The following RTEL1 variants were observed in gnomAD, a reference collection of about 807,000 sequenced individuals.
RTEL1 encodes the protein regulator of telomere elongation helicase 1.
A neutral mutation model predicts 162.2 loss-of-function variants in RTEL1; 86 were observed. The observed-to-expected ratio is 0.53, with a 90% CI of 0.45 to 0.63. The LOEUF (loss-of-function observed/expected upper bound fraction) is 0.63. RTEL1 is among the 30% of genes least tolerant of loss of function. RTEL1 has a pLI of 0.00. For synonymous variants in RTEL1, 958 were observed against 717.9 expected, an observed-to-expected ratio of 1.33 and a Z score of -5.35; for missense variants, 1,941 against 1,750.2, an observed-to-expected ratio of 1.11 and a Z score of -1.95.
chr20:63,683,781 G>A lies in RTEL1; in HGVS notation c.1192-1742G>A, dbSNP rs141023548. Among the ~76,000 whole-genome samples the A allele has an allele frequency of 5.9e-5, 9 of 152,210 alleles. No individual in the cohort carries two copies. The South Asian group carries it at 1.5e-3, about 25-fold the overall frequency. ...TTTGGCTCGTTTTCCAGGAACGGTC[G>A]TCACGCGCTCCTCTCCTAGTGCAGG... On this transcript the variant is annotated intron_variant, in intron 14 of 34. Transcript: ENST00000360203.
In RTEL1 at chr20:63,691,733, C is replaced by T. The variant is rs1233346985; in HGVS notation, c.2557-9C>T. ...GTCTGTGTGTGGTTGTGAGCTGTGTCCTCCTCAGGCCCACAGCTGCTCCAC... is the reference window on the plus strand; with the variant it reads ...GTCTGTGTGTGGTTGTGAGCTGTGTTCTCCTCAGGCCCACAGCTGCTCCAC... On this transcript the variant is annotated splice_polypyrimidine_tract_variant and intron_variant, in intron 27 of 34. Coordinates refer to ENST00000360203, the MANE Select transcript of RTEL1 (RefSeq NM_001283009.2). 5 of 1,609,422 alleles carry T rather than the reference C, an allele frequency of 3.1e-6. No homozygotes were observed. The highest frequency in any genetic ancestry group is 4.2e-6 in the Non-Finnish European group (5 of 1,177,308).
rs2090013952 is a variant in RTEL1, at chr20:63,661,229, C to T, written c.103-69C>T. On this transcript the variant is annotated intron_variant, in intron 2 of 34. Coordinates refer to ENST00000360203, the MANE Select transcript of RTEL1 (RefSeq NM_001283009.2). The surrounding 1 kb of genome is among the most constrained non-coding windows in gnomAD (Gnocchi z 5.1). Reference sequence around the variant, plus strand: ...CTGCCCGCTGGCTGCCGAAGCTTGTCTCAGGGCAGCTTGTGTGGCCTCGCC... The same window carrying T: ...CTGCCCGCTGGCTGCCGAAGCTTGTTTCAGGGCAGCTTGTGTGGCCTCGCC... 6.8e-7 allele frequency: 1 copy of T among 1,467,030 alleles called. No homozygotes were observed. Among genetic ancestry groups the T allele is most frequent in the East Asian group, 2.3e-5 (1 of 43,212 alleles). The allele number at this position is 1,467,030 out of a possible 1,614,324, so 90.9% of individuals were successfully genotyped here.
chr20:63,661,701 C>T lies in RTEL1; in HGVS notation c.302-149C>T. 3 of 862,484 alleles carry T rather than the reference C, an allele frequency of 3.5e-6. No homozygotes were observed. Among genetic ancestry groups the T allele is most frequent in the Non-Finnish European group, 3.7e-6 (2 of 545,052 alleles). 53.4% of individuals were successfully genotyped at this position (862,484 alleles called of 1,614,324 possible). A position where few individuals can be genotyped will look rare whatever the true frequency, so the allele number is the denominator to read the frequency against. On this transcript the variant is annotated intron_variant, in intron 3 of 34. Transcript: ENST00000360203. The surrounding 1 kb of genome is among the most constrained non-coding windows in gnomAD (Gnocchi z 5.1). ...TTGCTGAATTAGGGCACGGCAGATG[C>T]CCACTTCACCCATTTTTGATAAACC...
Position 63,691,816 on chromosome 20 carries a change from G to T in RTEL1, c.2631G>T (p.Lys877Asn). 1 of 1,611,736 alleles carries T rather than the reference G, an allele frequency of 6.2e-7. No individual in the cohort carries two copies. Among genetic ancestry groups the T allele is most frequent in the Non-Finnish European group, 8.5e-7 (1 of 1,179,776 alleles). The change falls in exon 28 of 35, where the codon AAG becomes AAT. Residue 877 changes from lysine to asparagine, a missense_variant. Lys to Asn is a moderately conservative substitution (Grantham distance 94). Transcript: ENST00000360203. ...PAEEPRGGRK[K>N]IRLVSHPEEP... ...AAGAACCGCGAGGAGGGAGGAAGAA[G>T]ATCCGGCTGGTCAGCCACCCGGTGC...
intron 12 of RTEL1, among the ~76,000 whole-genome samples, chr20:63,679,543 G>C (rs576514819): frequency 1.3e-5 from 2 of 152,030 alleles, no homozygotes; most frequent in Admixed American, 1.3e-4. Flanking sequence ...CTGTTCTCGT[G>C]CTGGCCAGGC....
rs770182728 is a variant in RTEL1, at chr20:63,694,831, C to T, written c.3200C>T (p.Ala1067Val). ...GCCGTGAGCGCCTACCTGGCTGATG[C>T]CCGCAGGGCCCTGGGGTCCGCGGGC... The part of the protein sequence containing the change: ...QHAVSAYLAD[A>V]RRALGSAGCS... The change falls in exon 32 of 35, where the codon GCC becomes GTC. Residue 1067 changes from alanine to valine, a missense_variant. By Grantham distance (64) the Ala-to-Val change is moderately conservative (BLOSUM62 0). Coordinates refer to ENST00000360203, the MANE Select transcript of RTEL1 (RefSeq NM_001283009.2). 5 of 1,612,430 alleles carry T rather than the reference C, an allele frequency of 3.1e-6. No individual in the cohort carries two copies. In the South Asian group the frequency reaches 5.5e-5, roughly 18 times the overall value.
chr20:63,695,375 T>A lies in RTEL1; in HGVS notation c.3547T>A (p.Ser1183Thr), dbSNP rs745305797. The A allele has an allele frequency of 5.8e-6, 9 of 1,548,288 alleles. No individual in the cohort carries two copies. The highest frequency in any genetic ancestry group is 1.7e-4 in the Middle Eastern group (1 of 5,760). Residue 1183 changes from serine to threonine, a missense_variant, in exon 34 of 35, where the codon TCC becomes ACC. Transcript: ENST00000360203. The stretch of plus-strand genomic sequence containing the variant: ...CGGGAAGACCCAGAGCAAGATCTCG[T>A]CCTTCCTTAGACAGAGGCCAGCAGG... Reference protein sequence around the residue: ...KTGKTQSKISSFLRQRPAGTV... With the variant: ...KTGKTQSKISTFLRQRPAGTV...
At chr20:63,691,092 CCA>C (rs750213936) in intron 27 of RTEL1, 145 bp downstream of exon 27, 91 of 914,288 alleles carry the variant, frequency 1.0e-4, no homozygotes, top group Non-Finnish European at 1.4e-4. Flanking sequence ...GCGGGGGATC[CCA>C]GCTGCCTGGC....
intron 8 of RTEL1, among the ~76,000 whole-genome samples, chr20:63,671,237 T>C (rs1409624627): frequency 6.6e-6 from 1 of 151,280 alleles, no homozygotes; most frequent in Non-Finnish European, 1.5e-5. Context: ...ATTTTTGTAT[T>C]TTCAGTAGAG....
intron 17 of RTEL1, 58 bp from the exon 18 acceptor site, chr20:63,687,879 A>C (rs2090632742): frequency 2.5e-6 from 4 of 1,595,364 alleles, no homozygotes; most frequent in Non-Finnish European, 2.6e-6. Context: ...TCGGGCCTCG[A>C]GGGCTAAAGG....
rs1279889932 is a variant in RTEL1 at position 63,678,140 on chromosome 20, C to G, written c.920-5C>G. On this transcript the variant is annotated splice_polypyrimidine_tract_variant and splice_region_variant and intron_variant, in intron 10 of 34. Transcript: ENST00000360203. Reference sequence around the variant, plus strand: ...GACTGCCTTTGCTGCCTTTCTCTTGCCCAGGGCTGAACATGGAGCTGGAAG... The same window carrying G: ...GACTGCCTTTGCTGCCTTTCTCTTGGCCAGGGCTGAACATGGAGCTGGAAG... The G allele has an allele frequency of 6.2e-7, 1 of 1,614,208 alleles. No individual in the cohort carries two copies.
chr20:63,678,926 ACT>A (rs2090427950), intron 12 of RTEL1, among the ~76,000 whole-genome samples: 1 of 151,302 alleles, frequency 6.6e-6, no homozygotes, highest in South Asian at 2.1e-4. Flanking sequence ...GGAACAGCAC[ACT>A]CTCCCACGCG....
In RTEL1 at chr20:63,691,580, C is replaced by A. The variant is rs34412639; in HGVS notation, c.2557-162C>A. Among the ~76,000 whole-genome samples, 513 of 152,262 alleles carry A rather than the reference C, an allele frequency of 3.4e-3. 1 individual carries two copies. Among genetic ancestry groups the A allele is most frequent in the Non-Finnish European group, 6.3e-3 (426 of 68,026 alleles). On this transcript the variant is annotated intron_variant, in intron 27 of 34. Coordinates refer to ENST00000360203, the MANE Select transcript of RTEL1 (RefSeq NM_001283009.2). ...GCCGCTGGTGTGACTTGGACAGGAC[C>A]AAGTTGTGGCACTGTCACCGGGGTG...
At position 63,694,685 on chromosome 20, in the gene RTEL1, G is replaced by T. The variant is rs551765821; in HGVS notation, c.3110-56G>T. On this transcript the variant is annotated intron_variant, in intron 31 of 34. Coordinates refer to ENST00000360203, the MANE Select transcript of RTEL1 (RefSeq NM_001283009.2). ...CTGGAGGAAGGGCGGGCAGGGCGGT[G>T]GGACTCTCAGTCCTCCACCCCAGCG... is the stretch of plus-strand genomic sequence containing the variant. 1.5e-5 allele frequency: 22 copies of T among 1,445,632 alleles called. No individual in the cohort carries two copies. In the East Asian group the frequency reaches 4.9e-4, roughly 32 times the overall value. The allele number at this position is 1,445,632 out of a possible 1,614,324, so 89.6% of individuals were successfully genotyped here.
At chr20:63,688,650 T>G in intron 21 of RTEL1, 45 bp downstream of exon 21, 1 of 1,541,166 alleles carries the variant, frequency 6.5e-7, no homozygotes, top group Non-Finnish European at 8.8e-7. Context: ...CCCTCGTGCC[T>G]CCCCTGCCTC....
chr20:63,673,532 G>A (rs985281217), intron 9 of RTEL1, among the ~76,000 whole-genome samples: 10 of 152,070 alleles, frequency 6.6e-5, no homozygotes, highest in Non-Finnish European at 5.9e-5. Context: ...TCCACCTCCT[G>A]GGCTCAAGCC....
In RTEL1 at chr20:63,661,432, G is replaced by A. The variant is rs1459715976; in HGVS notation, c.237G>A (p.Glu79=). 1 of 1,613,832 alleles carries A rather than the reference G, an allele frequency of 6.2e-7. No homozygotes were observed. The highest frequency in any genetic ancestry group is 1.1e-5 in the South Asian group (1 of 91,084). Residue 79 remains glutamate (E), a synonymous_variant, in exon 3 of 35, where the codon GAG becomes GAA. Transcript: ENST00000360203. The surrounding 1 kb of genome is among the most constrained non-coding windows in gnomAD (Gnocchi z 5.1). ...AGATTGCCGAGAGGGCGCAAGGAGA[G>A]CTTTTCCCGGATCGGGCCTTGTCAT... is the stretch of plus-strand genomic sequence containing the variant. ...ARKIAERAQG[E]LFPDRALSSW... is the part of the protein sequence containing the mutation.
chr20:63,693,353 G>A (rs975388296), intron 30 of RTEL1, 70 bp downstream of exon 30: 66 of 1,581,696 alleles, frequency 4.2e-5, no homozygotes, highest in Admixed American at 1.0e-4. Context: ...GTCCTGGGCT[G>A]CTTGGGGTGG....
chr20:63,690,242 G>A (rs764172579), intron 25 of RTEL1, 32 bp downstream of exon 25: 3 of 1,608,890 alleles, frequency 1.9e-6, no homozygotes, highest in South Asian at 2.2e-5. Flanking sequence ...GGATGAGGGT[G>A]TTGTCCCCAG....
Sources: allele counts gnomAD v4.1 joint callset (sites outside exome capture counted in the v4.1 genomes callset), GRCh38; gene constraint gnomAD v4.1.1; non-coding constraint Gnocchi (gnomAD v3.1); transcripts MANE v1.5; gene names NCBI Gene and HGNC (gene_info 2026-07-23, HGNC 2026-07-21).